Variants in INPP5A observed in about 807,000 individuals in gnomAD.
The protein encoded by INPP5A is 43 kDa inositol polyphosphate 5-phophatase.
A neutral mutation model predicts 65.2 loss-of-function variants in INPP5A; 14 were observed. The observed-to-expected ratio is 0.21, with a 90% confidence interval of 0.14 to 0.34. The LOEUF (loss-of-function observed/expected upper bound fraction) is 0.34. Among genes scored for constraint, INPP5A ranks in the 10% least tolerant of loss-of-function variants. INPP5A has a pLI of 1.00. For missense variants in INPP5A, 431 were observed against 545.6 expected (o/e 0.79, Z 2.09); for synonymous variants, 207 against 208.3 (o/e 0.99, Z 0.05).
intron 8 of INPP5A, among the ~76,000 whole-genome samples, chr10:132,725,676 A>G (rs1353749256): frequency 6.6e-6 from 1 of 151,820 alleles, no homozygotes; most frequent in East Asian, 1.9e-4. Flanking sequence ...CCGGGCTGGC[A>G]CTCCCTGCCT....
At chr10:132,574,364 G>T (rs1026374457) in intron 1 of INPP5A, among the ~76,000 whole-genome samples, 3 of 148,606 alleles carry the variant, frequency 2.0e-5, no homozygotes, top group Admixed American at 2.0e-4. Flanking sequence ...TGTGCGTGCC[G>T]TGTGAGGTTT....
rs1018282445 is a variant in INPP5A, at chr10:132,770,576, G to A, written c.977+4730G>A. Among the ~76,000 whole-genome samples, 4 of 152,220 alleles carry A rather than the reference G, an allele frequency of 2.6e-5. No homozygotes were observed. In the East Asian group the frequency reaches 7.7e-4, roughly 29 times the overall value. ...ATGGCCCCGCAGAGCCTCGCTGGCC[G>A]CCCCGGTGGCCTGGCCACTTCCCTC... On this transcript the variant is annotated intron_variant, in intron 12 of 15. Transcript: ENST00000368594.
In INPP5A at chr10:132,698,996, C is replaced by T. The variant is rs1590934156; in HGVS notation, c.474+1077C>T. ...TCCGTCTTCCCAAGGCCAAGGACGC[C>T]GTGTCAGTGGGCCAGCCTCCTGTCC... On this transcript the variant is annotated intron_variant, in intron 6 of 15. Coordinates refer to ENST00000368594, the MANE Select transcript of INPP5A (RefSeq NM_005539.5). This position sits in a 1 kb window ranked among gnomAD's most constrained non-coding sequence, Gnocchi z 5.5. Among the ~76,000 whole-genome samples the T allele has an allele frequency of 1.3e-5, 2 of 152,256 alleles. No homozygotes were observed. Among genetic ancestry groups the T allele is most frequent in the African/African-American group, 2.4e-5 (1 of 41,464 alleles).
chr10:132,783,388 C>G lies in INPP5A; in HGVS notation c.*1359C>G, dbSNP rs1211084483. 2 of 152,310 alleles carry G rather than the reference C, an allele frequency of 1.3e-5. No homozygotes were observed. The highest frequency in any genetic ancestry group is 4.8e-5 in the African/African-American group (2 of 41,408). The allele number at this position is 152,310 out of a possible 1,614,324, so 9.4% of individuals were successfully genotyped here. On this transcript the variant is annotated 3_prime_UTR_variant, in exon 16 of 16. Coordinates refer to ENST00000368594, the MANE Select transcript of INPP5A (RefSeq NM_005539.5). ...GCTGTCCGCGGTTCAACACGGAGTC[C>G]GCCCCGCGGGTTTCAGCTGTTGGTC...
At chr10:132,567,591 C>T (rs917055916) in intron 1 of INPP5A, among the ~76,000 whole-genome samples, 1 of 152,206 alleles carries the variant, frequency 6.6e-6, no homozygotes, top group Non-Finnish European at 1.5e-5. Context: ...GACCAAACTA[C>T]AGGCTTTATT....
At chr10:132,662,215 G>A (rs1313590742) in intron 4 of INPP5A, among the ~76,000 whole-genome samples, 5 of 152,178 alleles carry the variant, frequency 3.3e-5, no homozygotes, top group Non-Finnish European at 4.4e-5. Flanking sequence ...TGCTGGAAAT[G>A]TAAAACATGC....
At chr10:132,719,352 G>T (rs1367591910) in intron 8 of INPP5A, among the ~76,000 whole-genome samples, 3 of 149,006 alleles carry the variant, frequency 2.0e-5, no homozygotes, top group East Asian at 2.0e-4. Context: ...CCTGGGTTCT[G>T]TCTGGGCGCC....
At chr10:132,556,906 A>G (rs1213635288) in intron 1 of INPP5A, among the ~76,000 whole-genome samples, 1 of 152,200 alleles carries the variant, frequency 6.6e-6, no homozygotes, top group Non-Finnish European at 1.5e-5. Context: ...CACTTCTGTC[A>G]TTGTGCTCCC....
chr10:132,777,874 G>A (rs763646091), intron 13 of INPP5A, 92 bp downstream of exon 13: 13 of 1,549,598 alleles, frequency 8.4e-6, no homozygotes, highest in South Asian at 1.2e-5. Context: ...CCCAGGGGTG[G>A]GGGCACCCAG....
chr10:132,768,655 G>T (rs1245966843), intron 12 of INPP5A, among the ~76,000 whole-genome samples: 3 of 152,232 alleles, frequency 2.0e-5, no homozygotes, highest in Non-Finnish European at 4.4e-5. Context: ...CCGTGGGAAG[G>T]CGTCCTTGCC....
chr10:132,691,566 T>C (rs1174856265), intron 5 of INPP5A, among the ~76,000 whole-genome samples: 1 of 152,264 alleles, frequency 6.6e-6, no homozygotes, highest in African/African-American at 2.4e-5. Context: ...GCCATTTGAA[T>C]ACCTGTTTTA....
intron 4 of INPP5A, among the ~76,000 whole-genome samples, chr10:132,684,853 T>A (rs1247903862): frequency 6.6e-6 from 1 of 152,196 alleles, no homozygotes; most frequent in Non-Finnish European, 1.5e-5. Flanking sequence ...GGCTCCTGCG[T>A]GAGGCCGCGT....
Position 132,748,690 on chromosome 10 carries a change from C to G in INPP5A, c.733-827C>G, listed in dbSNP as rs957923455. Among the ~76,000 whole-genome samples the G allele has an allele frequency of 4.6e-5, 7 of 152,362 alleles. No homozygotes were observed. In the East Asian group the frequency reaches 5.8e-4, roughly 13 times the overall value. Reference sequence around the variant, plus strand: ...CTGTCCGCCAGCCAGGACCGTGCCTCCTGGAGCAGCTCAGCCATGCAGTGT... The same window carrying G: ...CTGTCCGCCAGCCAGGACCGTGCCTGCTGGAGCAGCTCAGCCATGCAGTGT... On this transcript the variant is annotated intron_variant, in intron 9 of 15. Transcript: ENST00000368594.
chr10:132,651,461 G>C lies in INPP5A; in HGVS notation c.306+956G>C, dbSNP rs548569468. On this transcript the variant is annotated intron_variant, in intron 4 of 15. Transcript: ENST00000368594. The surrounding 1 kb of genome is among the most constrained non-coding windows in gnomAD (Gnocchi z 5.0). ...CTCTGGGGAGGCCCTGGGTCCCCCG[G>C]CTTGGGTCCATCTCCCCCATCTCTG... 5.8e-4 allele frequency among the ~76,000 whole-genome samples: 84 copies of C among 143,674 alleles called. No individual in the cohort carries two copies. Among genetic ancestry groups the C allele is most frequent in the African/African-American group, 2.1e-3 (81 of 38,072 alleles). 94.3% of individuals were successfully genotyped at this position (143,674 alleles called of 152,430 possible).
At chr10:132,634,307 TGCCCCGGAGAGGC>T (rs2072311469) in intron 2 of INPP5A, among the ~76,000 whole-genome samples, 1 of 151,544 alleles carries the variant, frequency 6.6e-6, no homozygotes, top group Non-Finnish European at 1.5e-5. Context: ...TTGGTGGGTG[TGCCCCGGAGAGGC>T]GTATCATCTC....
chr10:132,704,185 G>C lies in INPP5A; in HGVS notation c.475-4128G>C, dbSNP rs192642046. On this transcript the variant is annotated intron_variant, in intron 6 of 15. Coordinates refer to ENST00000368594, the MANE Select transcript of INPP5A (RefSeq NM_005539.5). This position sits in a 1 kb window ranked among gnomAD's most constrained non-coding sequence, Gnocchi z 4.5. ...AAGATGAGCTGCTGGTGCTCTAGGG[G>C]AGTCGTGTATTGAGGCGCCTTGGCC... 9.1e-4 allele frequency among the ~76,000 whole-genome samples: 138 copies of C among 152,180 alleles called. No homozygotes were observed. Among genetic ancestry groups the C allele is most frequent in the African/African-American group, 3.2e-3 (131 of 41,522 alleles).
intron 2 of INPP5A, among the ~76,000 whole-genome samples, chr10:132,645,528 A>G (rs934388220): frequency 6.6e-6 from 1 of 152,164 alleles, no homozygotes; most frequent in Non-Finnish European, 1.5e-5. Flanking sequence ...TGACCAGTTG[A>G]TCTTGAGGCT....
intron 4 of INPP5A, among the ~76,000 whole-genome samples, chr10:132,652,387 A>G (rs2072589127): frequency 6.6e-6 from 1 of 152,384 alleles, no homozygotes; most frequent in East Asian, 1.9e-4. Context: ...GAAAGGAGGC[A>G]GACAGGGTGA....
At position 132,659,227 on chromosome 10, in the gene INPP5A, G is replaced by C. The variant is rs949717201; in HGVS notation, c.306+8722G>C. ...GGTTCAGATTGAGGCCTGGGGCTGA[G>C]GAAGCAGGAAGTCCTGTCAGGAGCT... On this transcript the variant is annotated intron_variant, in intron 4 of 15. Coordinates refer to ENST00000368594, the MANE Select transcript of INPP5A (RefSeq NM_005539.5). The surrounding 1 kb of genome is among the most constrained non-coding windows in gnomAD (Gnocchi z 5.5). Among the ~76,000 whole-genome samples the C allele has an allele frequency of 1.3e-5, 2 of 152,242 alleles. No individual in the cohort carries two copies. Among genetic ancestry groups the C allele is most frequent in the African/African-American group, 4.8e-5 (2 of 41,470 alleles).
Sources: allele counts gnomAD v4.1 joint callset (sites outside exome capture counted in the v4.1 genomes callset), GRCh38; gene constraint gnomAD v4.1.1; non-coding constraint Gnocchi (gnomAD v3.1); transcripts MANE v1.5; gene names NCBI Gene and HGNC (gene_info 2026-07-23, HGNC 2026-07-21).